The following STARD13 variants were observed in gnomAD, a reference collection of about 807,000 sequenced individuals.
The protein encoded by STARD13 is StAR related lipid transfer domain containing 13, also known as stAR-related lipid transfer protein 13.
In STARD13, 62 loss-of-function variants were observed where a neutral mutation model predicts 106.4. The ratio of observed to expected loss-of-function variants is 0.58; its 90% confidence interval spans 0.48 to 0.72. The LOEUF (loss-of-function observed/expected upper bound fraction) is 0.72. STARD13 is among the 30% of genes least tolerant of loss of function. The probability of loss-of-function intolerance (pLI) is 0.00; values close to 1 mark genes in which losing one functional copy is unlikely to be tolerated. For synonymous variants in STARD13, 565 were observed against 553.0 expected (o/e 1.02, Z -0.31); for missense variants, 1,387 against 1,424.0 (o/e 0.97, Z 0.42).
exon 1 of STARD13, chr13:33,350,307 C>T (rs918207731): frequency 3.3e-6 from 5 of 1,532,880 alleles, no homozygotes; most frequent in Non-Finnish European, 4.4e-6. Context: ...CCGCCTCTCC[C>T]GGACGTTCTT....
chr13:33,268,371 A>G (rs1390353050), intron 1 of STARD13, among the ~76,000 whole-genome samples: 1 of 152,172 alleles, frequency 6.6e-6, no homozygotes, highest in Non-Finnish European at 1.5e-5. Flanking sequence ...CATCTTCCCC[A>G]TAAGTAGTTC....
At chr13:33,122,396 G>A (rs545599393) in intron 7 of STARD13, among the ~76,000 whole-genome samples, 34 of 152,212 alleles carry the variant, frequency 2.2e-4, no homozygotes, top group Non-Finnish European at 4.8e-4. Flanking sequence ...TTTTGTGTCT[G>A]TCACCCATGG....
intron 1 of STARD13, among the ~76,000 whole-genome samples, chr13:33,341,330 C>T (rs931114634): frequency 1.4e-4 from 22 of 152,080 alleles, no homozygotes; most frequent in African/African-American, 4.8e-4. Flanking sequence ...TCATATTCTG[C>T]GGTCCTCTCA....
At chr13:33,625,007 G>A in the STARD13 span, among the ~76,000 whole-genome samples, 2 of 152,198 alleles carry the variant, frequency 1.3e-5, no homozygotes, top group Non-Finnish European at 2.9e-5. Flanking sequence ...CGGAAGCAGT[G>A]GGAGGTGGAG....
At chr13:33,183,711 T>TG (rs11414952) in intron 1 of STARD13, among the ~76,000 whole-genome samples, 152,171 of 152,264 alleles carry the variant, frequency 1, 76,040 homozygotes, top group Non-Finnish European at 1. Context: ...TGGAGGAACT[T>TG]GGAGAAGGAG....
chr13:33,640,561 A>G, the STARD13 span, among the ~76,000 whole-genome samples: 2 of 152,158 alleles, frequency 1.3e-5, no homozygotes, highest in East Asian at 3.9e-4. Context: ...CTGCCATTTA[A>G]TCATGGATTT....
the STARD13 span, among the ~76,000 whole-genome samples, chr13:33,395,511 A>G: frequency 3.1e-3 from 470 of 152,292 alleles, 5 homozygotes; most frequent in African/African-American, 0.01. Flanking sequence ...ATGAAATACT[A>G]AAGATGAGAA....
At chr13:33,483,208 T>TA in the STARD13 span, among the ~76,000 whole-genome samples, 2 of 152,174 alleles carry the variant, frequency 1.3e-5, no homozygotes, top group African/African-American at 2.4e-5. Flanking sequence ...TAACTAGGGA[T>TA]AAAAATCTAG....
At chr13:33,540,256 C>T in the STARD13 span, among the ~76,000 whole-genome samples, 5 of 152,314 alleles carry the variant, frequency 3.3e-5, no homozygotes, top group East Asian at 7.7e-4. Flanking sequence ...CACTTGGTTC[C>T]TAGTGACCTT....
At chr13:33,596,827 GA>G in the STARD13 span, among the ~76,000 whole-genome samples, 2 of 152,086 alleles carry the variant, frequency 1.3e-5, no homozygotes, top group Non-Finnish European at 2.9e-5. Flanking sequence ...CTAACATAAC[GA>G]CCTACAGTTC....
the STARD13 span, among the ~76,000 whole-genome samples, chr13:33,557,504 A>T: frequency 1.3e-5 from 2 of 152,200 alleles, no homozygotes; most frequent in Admixed American, 6.5e-5. Context: ...CTTGAAATTT[A>T]TGAAGAATTT....
chr13:33,676,216 T>A, the STARD13 span, among the ~76,000 whole-genome samples: 2 of 152,120 alleles, frequency 1.3e-5, no homozygotes, highest in Non-Finnish European at 2.9e-5. Context: ...TCCCCTCCCA[T>A]GCCTAAGCAA....
At chr13:33,638,532 G>T in the STARD13 span, among the ~76,000 whole-genome samples, 1 of 152,164 alleles carries the variant, frequency 6.6e-6, no homozygotes, top group Admixed American at 6.5e-5. Context: ...TCTGGGTTAA[G>T]ATAAGGGATT....
rs1883494710 is a variant in STARD13, at chr13:33,167,737, G to T, written c.170-115C>A. On this transcript the variant is annotated intron_variant, in intron 1 of 13. Coordinates refer to ENST00000336934, the MANE Select transcript of STARD13 (RefSeq NM_178006.4). ...GTGCAAGTTATTACAAAGCAAAATT[G>T]TTCCAGGTAAGTCTGCATAAGTAGG... 24 of 1,072,694 alleles carry T rather than the reference G, an allele frequency of 2.2e-5. No individual in the cohort carries two copies. The South Asian group carries it at 2.6e-4, about 12-fold the overall frequency. 66.4% of individuals were successfully genotyped at this position (1,072,694 alleles called of 1,614,324 possible). A position where few individuals can be genotyped will look rare whatever the true frequency, so the allele number is the denominator to read the frequency against.
At chr13:33,228,803 C>A (rs1888755878) in intron 1 of STARD13, among the ~76,000 whole-genome samples, 1 of 151,916 alleles carries the variant, frequency 6.6e-6, no homozygotes, top group South Asian at 2.1e-4. Context: ...ACCAAAAAGG[C>A]CAGAATTAAA....
the STARD13 span, among the ~76,000 whole-genome samples, chr13:33,634,844 A>T: frequency 4.6e-5 from 7 of 152,160 alleles, no homozygotes; most frequent in Non-Finnish European, 1.0e-4. Context: ...TGAAGGGTGG[A>T]TAGAGGTGGT....
chr13:33,123,650 C>T (rs1876701132), intron 7 of STARD13, among the ~76,000 whole-genome samples: 1 of 152,242 alleles, frequency 6.6e-6, no homozygotes, highest in African/African-American at 2.4e-5. Context: ...GCTAAACTTC[C>T]TCATCTCACC....
In STARD13 at chr13:33,149,761, C is replaced by T. The variant is rs140746588; in HGVS notation, c.324-7388G>A. 2.9e-3 allele frequency among the ~76,000 whole-genome samples: 449 copies of T among 152,298 alleles called. 1 individual carries two copies. Among genetic ancestry groups the T allele is most frequent in the Non-Finnish European group, 4.3e-3 (293 of 68,030 alleles). ...GAAACATATCCCTGACAGATGTAAACGCCTCTTTAAGATCTGACTGCCTCA... is the reference window on the plus strand; with the variant it reads ...GAAACATATCCCTGACAGATGTAAATGCCTCTTTAAGATCTGACTGCCTCA... On this transcript the variant is annotated intron_variant, in intron 3 of 13. Transcript: ENST00000336934.
chr13:33,219,094 T>C (rs1403974285), intron 1 of STARD13, among the ~76,000 whole-genome samples: 1 of 152,138 alleles, frequency 6.6e-6, no homozygotes, highest in Non-Finnish European at 1.5e-5. Context: ...CAGGGTACTA[T>C]GTAAGATGCT....
Sources: allele counts gnomAD v4.1 joint callset (sites outside exome capture counted in the v4.1 genomes callset), GRCh38; gene constraint gnomAD v4.1.1; transcripts MANE v1.5; gene names NCBI Gene and HGNC (gene_info 2026-07-23, HGNC 2026-07-21).